Variants in DEAF1 observed in about 807,000 individuals in gnomAD.
DEAF1 encodes the protein deformed epidermal autoregulatory factor 1 homolog.
Under a neutral mutation model 58.9 loss-of-function variants are expected in DEAF1, and 53 were observed. That is an observed-to-expected ratio of 0.90 (90% CI 0.72 to 1.13). The LOEUF (loss-of-function observed/expected upper bound fraction) is 1.13, where lower values mean the gene tolerates loss of function less well. Ranked by LOEUF, DEAF1 falls within the 50% of genes most tolerant of loss-of-function variation. The probability of loss-of-function intolerance (pLI) is 0.00; values close to 1 mark genes in which losing one functional copy is unlikely to be tolerated. For missense variants in DEAF1, 685 were observed against 791.4 expected (o/e 0.87, Z 1.61); for synonymous variants, 385 against 340.4 (o/e 1.13, Z -1.44).
At chr11:653,405 C>G (rs546890977) in intron 11 of DEAF1, among the ~76,000 whole-genome samples, 23 of 106,158 alleles carry the variant, frequency 2.2e-4, no homozygotes, top group South Asian at 3.1e-4. Context: ...GTGGAGGGCT[C>G]AATAATAGAG....
In DEAF1 at chr11:688,383, C is replaced by T; in HGVS notation, c.465G>A (p.Gly155=). 1 of 1,613,914 alleles carries T rather than the reference C, an allele frequency of 6.2e-7. No individual in the cohort carries two copies. ...KATLIVVHTD[G]SIVETTGLKG... ...TCAGCCCGGTGGTCTCCACGATGCT[C>T]CCATCTGTGTGGACGACAATCAGTG... is the stretch of plus-strand genomic sequence containing the variant. Residue 155 remains glycine, a synonymous_variant, in exon 3 of 12, where the codon GGG becomes GGA. Transcript: ENST00000382409. This position sits in a 1 kb window ranked among gnomAD's most constrained non-coding sequence, Gnocchi z 4.3.
At chr11:654,469 T>A (rs561704477) in intron 10 of DEAF1, 2 of 453,198 alleles carry the variant, frequency 4.4e-6, no homozygotes, top group Non-Finnish European at 8.8e-6. Context: ...CCAGCTCCCA[T>A]TGGACTCTTG....
At chr11:681,686 A>G (rs1860381475) in intron 6 of DEAF1, among the ~76,000 whole-genome samples, 1 of 152,016 alleles carries the variant, frequency 6.6e-6, no homozygotes, top group Non-Finnish European at 1.5e-5. Context: ...CTAGGATTAC[A>G]GGCGTGAGCC....
In DEAF1 at chr11:688,420, G is replaced by C. The variant is rs765741994; in HGVS notation, c.428C>G (p.Thr143Ser). 1.2e-6 allele frequency: 2 copies of C among 1,613,924 alleles called. No homozygotes were observed. The highest frequency in any genetic ancestry group is 1.7e-6 in the Non-Finnish European group (2 of 1,180,024). Residue 143 changes from threonine (T) to serine (S), a missense_variant, in exon 3 of 12, where the codon ACC becomes AGC. Around this residue, in one of 3 missense-constraint regions of DEAF1, gnomAD observed 132 missense variants for 234.3 expected, o/e 0.56. Transcript: ENST00000382409. The surrounding 1 kb of genome is among the most constrained non-coding windows in gnomAD (Gnocchi z 4.3). The stretch of plus-strand genomic sequence containing the variant: ...GACGACAATCAGTGTCGCTTTTTCG[G>C]TGTTCAGGCTGTCCCCGATCTGAAG... ...TALQIGDSLN[T>S]EKATLIVVHT...
rs143380482 is a variant in DEAF1 at position 688,155 on chromosome 11, T to G, written c.518-98A>C. 6,576 of 1,568,350 alleles carry G rather than the reference T, an allele frequency of 4.2e-3. 22 individuals are homozygous for G. Among genetic ancestry groups the G allele is most frequent in the Middle Eastern group, 0.011 (61 of 5,412 alleles). On this transcript the variant is annotated intron_variant, in intron 3 of 11. Transcript: ENST00000382409. This position sits in a 1 kb window ranked among gnomAD's most constrained non-coding sequence, Gnocchi z 4.3. ...CACCTCCCCGGCAGCGCCACCTCCT[T>G]CAACGGCGGAAAAACTTCTTGGTCA...
intron 6 of DEAF1, among the ~76,000 whole-genome samples, chr11:681,674 T>G (rs146887116): frequency 0.015 from 2,224 of 152,156 alleles, 52 homozygotes; most frequent in African/African-American, 0.05. Flanking sequence ...CCTCCCAAAG[T>G]GCTAGGATTA....
At position 676,655 on chromosome 11, in the gene DEAF1, C is replaced by A. The variant is rs151035002; in HGVS notation, c.1256-1872G>T. Reference sequence around the variant, plus strand: ...GAGTAGCTGGGATTACAGGCATCTGCCACCAGGCCTGGCTAATTTTGTATT... The same window carrying A: ...GAGTAGCTGGGATTACAGGCATCTGACACCAGGCCTGGCTAATTTTGTATT... On this transcript the variant is annotated intron_variant, in intron 9 of 11. Transcript: ENST00000382409. Among the ~76,000 whole-genome samples the A allele has an allele frequency of 4.8e-3, 730 of 152,090 alleles. 3 individuals carry two copies. Among genetic ancestry groups the A allele is most frequent in the African/African-American group, 0.015 (632 of 41,514 alleles).
At chr11:667,876 C>A (rs370591447) in intron 10 of DEAF1, among the ~76,000 whole-genome samples, 1 of 152,018 alleles carries the variant, frequency 6.6e-6, no homozygotes, top group Non-Finnish European at 1.5e-5. Context: ...CTTTGGGAGG[C>A]CCAGGCGGGT....
At chr11:668,075 G>A (rs1304229111) in intron 10 of DEAF1, among the ~76,000 whole-genome samples, 2 of 152,188 alleles carry the variant, frequency 1.3e-5, no homozygotes, top group Non-Finnish European at 2.9e-5. Flanking sequence ...TTGTGCCACT[G>A]CACTCCAGCC....
intron 10 of DEAF1, among the ~76,000 whole-genome samples, chr11:660,493 C>A (rs1438393979): frequency 6.6e-6 from 1 of 152,246 alleles, no homozygotes; most frequent in Non-Finnish European, 1.5e-5. Flanking sequence ...CACCTGGCCG[C>A]CCCTCCCACC....
At position 674,782 on chromosome 11, in the gene DEAF1, C is replaced by A; in HGVS notation, c.1257G>T (p.Val419=). The change falls in exon 10 of 12, where the codon GTG becomes GTT. Residue 419 remains valine, a splice_region_variant and synonymous_variant. Transcript: ENST00000382409. ...AALPTSHPKI[V]LTSLPALAVP... Reference sequence around the variant, plus strand: ...CCGCCAGCGCAGGCAGGGATGTCAACACTAGAGCATTTGGAAAGCAAAACA... The same window carrying A: ...CCGCCAGCGCAGGCAGGGATGTCAAAACTAGAGCATTTGGAAAGCAAAACA... 6.2e-7 allele frequency: 1 copy of A among 1,611,288 alleles called. No homozygotes were observed.
upstream of DEAF1, chr11:699,932 T>C: frequency 3.7e-6 from 2 of 536,534 alleles, no homozygotes; most frequent in African/African-American, 1.9e-5. Context: ...TGGAGGGGGG[T>C]CCCACAAAGG....
At chr11:645,160 CAAAAA>C (rs80108345) in intron 11 of DEAF1, among the ~76,000 whole-genome samples, 5 of 101,046 alleles carry the variant, frequency 4.9e-5, no homozygotes, top group South Asian at 6.4e-4. Flanking sequence ...AACTCCATAT[CAAAAA>C]AAAAAAAAAA....
intron 6 of DEAF1, among the ~76,000 whole-genome samples, chr11:684,694 C>G (rs1860513108): frequency 6.6e-6 from 1 of 152,208 alleles, no homozygotes; most frequent in South Asian, 2.1e-4. Flanking sequence ...TGGGGGCCAA[C>G]CACGTGTTCC....
chr11:661,239 G>C (rs1434708680), intron 10 of DEAF1, among the ~76,000 whole-genome samples: 1 of 152,138 alleles, frequency 6.6e-6, no homozygotes, highest in Non-Finnish European at 1.5e-5. Flanking sequence ...GCAGCCACTC[G>C]GCTGGCTTCC....
At chr11:694,490 T>C in intron 1 of DEAF1, 1 of 286,772 alleles carries the variant, frequency 3.5e-6, no homozygotes, top group Non-Finnish European at 6.0e-6. Flanking sequence ...GTGGGGAAAG[T>C]GTGAGGGGCG....
chr11:676,510 G>C (rs1757213060), intron 9 of DEAF1, among the ~76,000 whole-genome samples: 1 of 151,426 alleles, frequency 6.6e-6, no homozygotes, highest in African/African-American at 2.4e-5. Flanking sequence ...CGTGGACAAT[G>C]ACCAGGGGAG....
intron 1 of DEAF1, among the ~76,000 whole-genome samples, chr11:702,228 C>A (rs1177167582): frequency 6.6e-6 from 1 of 152,246 alleles, no homozygotes; most frequent in African/African-American, 2.4e-5. Context: ...GGGTGCCCGG[C>A]CGTCAGTGTC....
chr11:652,614 G>T (rs1037390566), intron 11 of DEAF1, among the ~76,000 whole-genome samples: 1 of 151,906 alleles, frequency 6.6e-6, no homozygotes, highest in Admixed American at 6.6e-5. Context: ...CTCCAGCCTG[G>T]GCTACAGAGC....
Sources: allele counts gnomAD v4.1 joint callset (sites outside exome capture counted in the v4.1 genomes callset), GRCh38; gene constraint gnomAD v4.1.1; regional missense constraint gnomAD v4.1.1; non-coding constraint Gnocchi (gnomAD v3.1); transcripts MANE v1.5; gene names NCBI Gene and HGNC (gene_info 2026-07-23, HGNC 2026-07-21).